The following SYT1 variants were observed in gnomAD, a reference collection of about 807,000 sequenced individuals.
SYT1 encodes the protein synaptotagmin-1.
Under a neutral mutation model 44.8 loss-of-function variants are expected in SYT1, and 8 were observed. That is an observed-to-expected ratio of 0.18 (90% CI 0.10 to 0.32). SYT1 has a LOEUF of 0.32. SYT1 is among the 10% of genes least tolerant of loss of function. The pLI, the probability that SYT1 is intolerant of heterozygous loss-of-function variation, is 1.00. For synonymous variants in SYT1, 154 were observed against 188.8 expected, an observed-to-expected ratio of 0.82 and a Z score of 1.51; for missense variants, 286 against 509.3, an observed-to-expected ratio of 0.56 and a Z score of 4.22.
chr12:79,329,480 T>G (rs1221045323), intron 8 of SYT1, among the ~76,000 whole-genome samples: 1 of 152,236 alleles, frequency 6.6e-6, no homozygotes, highest in East Asian at 1.9e-4. Context: ...TATTCTTAAT[T>G]ACCTATGGAT....
At chr12:79,145,756 TG>T (rs879848594) in intron 3 of SYT1, among the ~76,000 whole-genome samples, 10,841 of 147,924 alleles carry the variant, frequency 0.073, 511 homozygotes, top group African/African-American at 0.11. Context: ...TTTTTTTGTT[TG>T]TTTGTTTGTT....
intron 3 of SYT1, among the ~76,000 whole-genome samples, chr12:79,089,159 C>A (rs1490157512): frequency 6.6e-6 from 1 of 151,840 alleles, no homozygotes; most frequent in African/African-American, 2.4e-5. Flanking sequence ...GACAATAAGG[C>A]TCATAAAAGA....
chr12:79,149,138 AT>A (rs1320683513), intron 3 of SYT1, among the ~76,000 whole-genome samples: 5 of 151,902 alleles, frequency 3.3e-5, no homozygotes, highest in Admixed American at 6.6e-5. Flanking sequence ...ATCTAGATTT[AT>A]TTTTTTACTT....
intron 3 of SYT1, among the ~76,000 whole-genome samples, chr12:79,208,416 G>A (rs1352569063): frequency 1.3e-5 from 2 of 152,090 alleles, no homozygotes; most frequent in Admixed American, 6.5e-5. Flanking sequence ...CATGGTAAGT[G>A]AGACCTAACT....
chr12:79,163,317 C>T (rs149018240), intron 3 of SYT1, among the ~76,000 whole-genome samples: 18 of 152,144 alleles, frequency 1.2e-4, no homozygotes, highest in African/African-American at 4.1e-4. Flanking sequence ...TCTTCCTGTT[C>T]CTCTGTTTAA....
intron 4 of SYT1, among the ~76,000 whole-genome samples, chr12:79,245,565 A>G (rs577808224): frequency 1.3e-5 from 2 of 152,004 alleles, no homozygotes; most frequent in Admixed American, 1.3e-4. Flanking sequence ...TTATAACAAG[A>G]AAAATATAAT....
intron 9 of SYT1, among the ~76,000 whole-genome samples, chr12:79,426,583 A>G (rs1869462862): frequency 6.6e-6 from 1 of 152,102 alleles, no homozygotes; most frequent in African/African-American, 2.4e-5. Context: ...TTAACACCCC[A>G]TGTGTCTTGC....
intron 1 of SYT1, among the ~76,000 whole-genome samples, chr12:78,959,180 TA>T (rs1592605712): frequency 6.6e-6 from 1 of 152,134 alleles, no homozygotes; most frequent in East Asian, 1.9e-4. Context: ...CAGTTATTGT[TA>T]TGAAATAAAA....
At chr12:78,987,527 T>G (rs895235499) in intron 2 of SYT1, among the ~76,000 whole-genome samples, 5 of 152,050 alleles carry the variant, frequency 3.3e-5, no homozygotes, top group Admixed American at 6.6e-5. Flanking sequence ...AGTTACATCC[T>G]TATCCCAGAC....
intron 9 of SYT1, among the ~76,000 whole-genome samples, chr12:79,420,226 T>TTAAA (rs1209253257): frequency 1.3e-5 from 2 of 152,142 alleles, no homozygotes; most frequent in Non-Finnish European, 2.9e-5. Context: ...CCTAGATGTA[T>TTAAA]TAAATAACAC....
chr12:79,434,027 A>G (rs761256212), intron 9 of SYT1, among the ~76,000 whole-genome samples: 3 of 152,232 alleles, frequency 2.0e-5, no homozygotes, highest in Admixed American at 6.5e-5. Context: ...CCAATGTTGG[A>G]AATGACTGTT....
Position 79,117,662 on chromosome 12 carries a change from CATATATATATAT to C in SYT1, c.-18+70342_-18+70353del, listed in dbSNP as rs57706449. On this transcript the variant is annotated intron_variant, in intron 3 of 10. Coordinates refer to ENST00000261205, the MANE Select transcript of SYT1 (RefSeq NM_005639.3). ...GTGTGTGTGTGTGTGTGTATTACATCATATATATATATATATATATATATATATATATATATA... is the reference window on the plus strand; with the variant it reads ...GTGTGTGTGTGTGTGTGTATTACATCATATATATATATATATATATATATA... Among the ~76,000 whole-genome samples, 185 of 39,280 alleles carry C rather than the reference CATATATATATAT, an allele frequency of 4.7e-3. 4 individuals carry two copies. The highest frequency in any genetic ancestry group is 0.038 in the East Asian group (24 of 624). The allele number at this position is 39,280 out of a possible 152,430, so 25.8% of individuals were successfully genotyped here. A position where few individuals can be genotyped will look rare whatever the true frequency, so the allele number is the denominator to read the frequency against.
chr12:79,136,110 T>A (rs578116176), intron 3 of SYT1, among the ~76,000 whole-genome samples: 3 of 152,316 alleles, frequency 2.0e-5, no homozygotes, highest in African/African-American at 7.2e-5. Context: ...AAATCGTGGA[T>A]TTTTAGATTT....
intron 3 of SYT1, among the ~76,000 whole-genome samples, chr12:79,084,503 T>C (rs1031091913): frequency 4.6e-5 from 7 of 152,098 alleles, no homozygotes; most frequent in African/African-American, 1.7e-4. Flanking sequence ...TGCCTAAATC[T>C]GAGGTCCAGA....
At position 79,316,815 on chromosome 12, in the gene SYT1, A is replaced by G. The variant is rs575094591; in HGVS notation, c.810+17264A>G. 2.0e-5 allele frequency among the ~76,000 whole-genome samples: 3 copies of G among 152,348 alleles called. No homozygotes were observed. The East Asian group carries it at 5.8e-4, about 29-fold the overall frequency. On this transcript the variant is annotated intron_variant, in intron 8 of 10. Transcript: ENST00000261205. ...TCGTTGTCTCGATAGGTAGAACATA[A>G]GCTTCTTATAAGTGAGGAAAGCATC...
intron 1 of SYT1, among the ~76,000 whole-genome samples, chr12:78,914,804 T>C (rs1256095640): frequency 6.6e-6 from 1 of 152,092 alleles, no homozygotes; most frequent in Non-Finnish European, 1.5e-5. Flanking sequence ...TATTTTTATG[T>C]ATTAATTCAT....
At chr12:78,925,248 A>G (rs531090416) in intron 1 of SYT1, among the ~76,000 whole-genome samples, 1 of 152,012 alleles carries the variant, frequency 6.6e-6, no homozygotes, top group South Asian at 2.1e-4. Flanking sequence ...CATTGGCCAC[A>G]ATTTATTTTA....
chr12:79,224,748 TTTTTTATTATTATTATTATTA>T (rs1368500697), intron 4 of SYT1, among the ~76,000 whole-genome samples: 566 of 20,822 alleles, frequency 0.027, 1 homozygote, highest in Non-Finnish European at 0.034. Flanking sequence ...TATTTATTTA[TTTTTTATTATTATTATTATTA>T]TTATTATTAT....
At chr12:79,065,690 T>G (rs1225878184) in intron 3 of SYT1, among the ~76,000 whole-genome samples, 35 of 152,140 alleles carry the variant, frequency 2.3e-4, no homozygotes, top group Admixed American at 2.3e-3. Context: ...CTTCACAAAT[T>G]CTTAATGAAA....
Sources: gnomAD v4.1 joint callset for allele counts (sites outside exome capture counted in the v4.1 genomes callset) on GRCh38, gnomAD v4.1.1 for gene constraint, MANE v1.5 for transcripts, NCBI Gene and HGNC (gene_info 2026-07-23, HGNC 2026-07-21) for gene names.